Variants in KCNK2 observed in about 807,000 individuals in gnomAD.
KCNK2 encodes the protein potassium two pore domain channel subfamily K member 2.
A neutral mutation model predicts 40.5 loss-of-function variants in KCNK2; 21 were observed. That is an observed-to-expected ratio of 0.52 (90% CI 0.37 to 0.75). The LOEUF (loss-of-function observed/expected upper bound fraction) is 0.75, where lower values mean the gene tolerates loss of function less well. KCNK2 is among the 30% of genes least tolerant of loss of function. The pLI is 0.00. For missense variants in KCNK2, 399 were observed against 531.6 expected (o/e 0.75, Z 2.45); for synonymous variants, 191 against 202.2 (o/e 0.94, Z 0.47).
At chr1:215,213,049 T>TA (rs1282598938) in intron 6 of KCNK2, among the ~76,000 whole-genome samples, 1 of 152,136 alleles carries the variant, frequency 6.6e-6, no homozygotes, top group Non-Finnish European at 1.5e-5. Flanking sequence ...GAGGGGGGCT[T>TA]ATGCTTGACT....
At chr1:215,129,771 G>A (rs1170646026) in intron 3 of KCNK2, among the ~76,000 whole-genome samples, 1 of 152,066 alleles carries the variant, frequency 6.6e-6, no homozygotes, top group Non-Finnish European at 1.5e-5. Flanking sequence ...TATAGGTCCT[G>A]GTAACATTCT....
At chr1:215,010,194 A>G (rs562543440) in intron 1 of KCNK2, among the ~76,000 whole-genome samples, 114 of 152,318 alleles carry the variant, frequency 7.5e-4, no homozygotes, top group African/African-American at 2.6e-3. Flanking sequence ...ACATATAACT[A>G]TGAAGCAGCA....
chr1:215,111,287 C>T (rs1285294024), intron 2 of KCNK2, among the ~76,000 whole-genome samples: 1 of 152,064 alleles, frequency 6.6e-6, no homozygotes, highest in Non-Finnish European at 1.5e-5. Flanking sequence ...GAGTGGGCCT[C>T]CTTGTCTTGT....
intron 6 of KCNK2, among the ~76,000 whole-genome samples, chr1:215,233,362 A>T (rs1401911691): frequency 1.3e-5 from 2 of 151,762 alleles, no homozygotes; most frequent in African/African-American, 2.4e-5. Flanking sequence ...TGTCTGTATG[A>T]TTATGTGTGG....
At chr1:215,209,461 T>TATAAA (rs1665509034) in intron 6 of KCNK2, among the ~76,000 whole-genome samples, 7 of 2,232 alleles carry the variant, frequency 3.1e-3, no homozygotes, top group African/African-American at 4.9e-3. Flanking sequence ...TATTATATAT[T>TATAAA]ATATATAATA....
At position 215,083,270 on chromosome 1, in the gene KCNK2, G is replaced by C. The variant is rs750813191; in HGVS notation, c.-116G>C. ...ACAAAGCCGGGGAAAATGCCTGCCC[G>C]TGCAGCTCGGAGCGCGCAGCCCGTC... On this transcript the variant is annotated 5_prime_UTR_variant, in exon 1 of 7. Transcript: ENST00000444842. 3.6e-6 allele frequency: 5 copies of C among 1,370,560 alleles called. No homozygotes were observed. In the Admixed American group the frequency reaches 6.1e-5, roughly 17 times the overall value. The allele number at this position is 1,370,560 out of a possible 1,614,324, so 84.9% of individuals were successfully genotyped here.
intron 5 of KCNK2, among the ~76,000 whole-genome samples, chr1:215,173,459 A>T (rs1469993708): frequency 6.6e-6 from 1 of 152,172 alleles, no homozygotes; most frequent in Non-Finnish European, 1.5e-5. Flanking sequence ...TAGCAGCATG[A>T]TTTATAATCC....
At chr1:215,188,068 A>G (rs940137929) in intron 5 of KCNK2, among the ~76,000 whole-genome samples, 6 of 152,198 alleles carry the variant, frequency 3.9e-5, no homozygotes, top group Non-Finnish European at 5.9e-5. Flanking sequence ...GGTTAATATT[A>G]TGAAAACACA....
At chr1:215,130,843 T>A (rs920116133) in intron 3 of KCNK2, among the ~76,000 whole-genome samples, 1 of 145,560 alleles carries the variant, frequency 6.9e-6, no homozygotes, top group Admixed American at 6.6e-5. Flanking sequence ...AATTTTTAAG[T>A]TTTTTTTATT....
intron 6 of KCNK2, among the ~76,000 whole-genome samples, chr1:215,227,619 G>A (rs1252672822): frequency 6.6e-6 from 1 of 152,068 alleles, no homozygotes; most frequent in Non-Finnish European, 1.5e-5. Context: ...GTACTAGGTC[G>A]ATTTGTGTTC....
At chr1:215,093,404 C>A (rs1659781345) in intron 2 of KCNK2, among the ~76,000 whole-genome samples, 1 of 127,732 alleles carries the variant, frequency 7.8e-6, no homozygotes, top group African/African-American at 3.0e-5. Flanking sequence ...CTATAATATA[C>A]ATATAATATA....
chr1:215,219,658 T>A (rs909842954), intron 6 of KCNK2, among the ~76,000 whole-genome samples: 5 of 152,178 alleles, frequency 3.3e-5, no homozygotes, highest in African/African-American at 1.2e-4. Flanking sequence ...CTTTTCTCTG[T>A]CTATTTAATG....
chr1:215,023,432 A>G (rs922483012), intron 1 of KCNK2, among the ~76,000 whole-genome samples: 1 of 152,210 alleles, frequency 6.6e-6, no homozygotes, highest in Non-Finnish European at 1.5e-5. Flanking sequence ...CCCCTCAGCC[A>G]TAAGTATGTC....
At chr1:215,197,071 A>G (rs937361778) in intron 6 of KCNK2, among the ~76,000 whole-genome samples, 2 of 152,186 alleles carry the variant, frequency 1.3e-5, no homozygotes, top group African/African-American at 4.8e-5. Context: ...GTGGTCCACA[A>G]TCCAAAAGTT....
intron 5 of KCNK2, among the ~76,000 whole-genome samples, chr1:215,189,697 T>C (rs532624589): frequency 1.4e-4 from 21 of 152,296 alleles, no homozygotes; most frequent in South Asian, 1.2e-3. Flanking sequence ...TGAAGTCATA[T>C]TTCCATTTGT....
At chr1:215,143,337 G>T (rs1237575106) in intron 3 of KCNK2, among the ~76,000 whole-genome samples, 4 of 152,082 alleles carry the variant, frequency 2.6e-5, no homozygotes, top group Non-Finnish European at 5.9e-5. Flanking sequence ...TTGTACACTG[G>T]CTGGGCCACT....
chr1:215,089,185 A>G (rs140157671), intron 2 of KCNK2, among the ~76,000 whole-genome samples: 1 of 152,278 alleles, frequency 6.6e-6, no homozygotes, highest in African/African-American at 2.4e-5. Flanking sequence ...AAAACCTCGT[A>G]AGTCTATCTA....
At chr1:215,085,215 A>T (rs1028217315) in intron 1 of KCNK2, among the ~76,000 whole-genome samples, 4 of 152,216 alleles carry the variant, frequency 2.6e-5, no homozygotes, top group African/African-American at 9.6e-5. Flanking sequence ...TATATACACG[A>T]TAGCAAGTTT....
At chr1:215,030,539 A>G (rs1001249146) in intron 1 of KCNK2, among the ~76,000 whole-genome samples, 45 of 148,290 alleles carry the variant, frequency 3.0e-4, no homozygotes, top group African/African-American at 8.7e-4. Flanking sequence ...TATGTTACCT[A>G]TCTTTTTTTT....
Sources: allele counts gnomAD v4.1 joint callset (sites outside exome capture counted in the v4.1 genomes callset), GRCh38; gene constraint gnomAD v4.1.1; transcripts MANE v1.5; gene names NCBI Gene and HGNC (gene_info 2026-07-23, HGNC 2026-07-21).